The following SIRPG variants were observed in gnomAD, a reference collection of about 807,000 sequenced individuals.
SIRPG encodes signal regulatory protein gamma.
A neutral mutation model predicts 35.7 loss-of-function variants in SIRPG; 38 were observed. The observed-to-expected ratio is 1.06, with a 90% CI of 0.82 to 1.40. SIRPG has a LOEUF of 1.40. Ranked by LOEUF, SIRPG falls within the 40% of genes most tolerant of loss-of-function variation. SIRPG has a pLI of 0.00. For synonymous variants in SIRPG, 215 were observed against 190.4 expected, an observed-to-expected ratio of 1.13 and a Z score of -1.06; for missense variants, 519 against 483.0, an observed-to-expected ratio of 1.07 and a Z score of -0.70.
At chr20:1,686,375 A>C in the SIRPG span, among the ~76,000 whole-genome samples, 5 of 152,258 alleles carry the variant, frequency 3.3e-5, no homozygotes, top group Non-Finnish European at 7.4e-5. Flanking sequence ...AAGGACCAGG[A>C]GGGTGGGGCC....
chr20:1,676,794 C>A, the SIRPG span: 1 of 218,258 alleles, frequency 4.6e-6, no homozygotes, highest in Non-Finnish European at 9.5e-6. Flanking sequence ...CCACAGGGAA[C>A]AGGGAGGTCG....
chr20:1,657,693 G>T lies in SIRPG; in HGVS notation c.22C>A (p.Pro8Thr), dbSNP rs199556654. 16 of 1,614,202 alleles carry T rather than the reference G, an allele frequency of 9.9e-6. No homozygotes were observed. The highest frequency in any genetic ancestry group is 4.5e-5 in the East Asian group (2 of 44,886). Residue 8 changes from proline (P) to threonine (T), a missense_variant, in exon 1 of 6, where the codon CCC becomes ACC. Transcript: ENST00000303415. MPVPASW[P>T]HPPGPFLLLT... ...AGCAGGAAAGGACCAGGAGGATGGG[G>T]CCAGGAGGCTGGGACAGGCATTTTG...
At chr20:1,678,003 A>T in the SIRPG span, among the ~76,000 whole-genome samples, 2 of 152,180 alleles carry the variant, frequency 1.3e-5, no homozygotes, top group Admixed American at 6.5e-5. Context: ...TAATCATTAC[A>T]CTATGTATAT....
chr20:1,674,826 C>T, the SIRPG span, among the ~76,000 whole-genome samples: 1 of 152,174 alleles, frequency 6.6e-6, no homozygotes, highest in Non-Finnish European at 1.5e-5. Flanking sequence ...ACCTCAAATC[C>T]TATCCCCTCT....
chr20:1,647,644 A>G (rs2091907517), intron 2 of SIRPG: 1 of 152,256 alleles, frequency 6.6e-6, no homozygotes, highest in Admixed American at 6.5e-5. Context: ...AACAACTTAC[A>G]TACCCATCAA....
the SIRPG span, among the ~76,000 whole-genome samples, chr20:1,664,856 A>G: frequency 0.48 from 72,328 of 151,870 alleles, 18,216 homozygotes; most frequent in East Asian, 0.82. Flanking sequence ...CCACGCAGGC[A>G]CTCAGAGGAT....
chr20:1,652,853 C>T (rs543575853), intron 1 of SIRPG, among the ~76,000 whole-genome samples: 53 of 152,234 alleles, frequency 3.5e-4, no homozygotes, highest in Admixed American at 1.0e-3. Context: ...TACTTTTTCT[C>T]TTTTATTCTA....
At chr20:1,653,835 G>T (rs1461361825) in intron 1 of SIRPG, among the ~76,000 whole-genome samples, 2 of 152,194 alleles carry the variant, frequency 1.3e-5, no homozygotes, top group African/African-American at 2.4e-5. Context: ...TTAAAATTCT[G>T]TGTGTGTTTC....
the SIRPG span, among the ~76,000 whole-genome samples, chr20:1,680,385 A>T: frequency 1.3e-5 from 2 of 152,202 alleles, no homozygotes; most frequent in Non-Finnish European, 2.9e-5. Flanking sequence ...TTCCTGTTGC[A>T]ATCATTAACC....
chr20:1,643,740 C>A (rs1196909955), intron 2 of SIRPG, among the ~76,000 whole-genome samples: 2 of 152,162 alleles, frequency 1.3e-5, no homozygotes, highest in East Asian at 1.9e-4. Flanking sequence ...GCTGCTGACC[C>A]TTGGATGGGG....
Position 1,649,390 on chromosome 20 carries a change from TCCTCCTCA to T in SIRPG, c.84_91del (p.Glu29AlafsTer7). 4.4e-6 allele frequency: 7 copies of T among 1,606,682 alleles called. No homozygotes were observed. The highest frequency in any genetic ancestry group is 6.0e-6 in the Non-Finnish European group (7 of 1,174,904). ...CTTCTCAGGCTGAATCATCTGTAGC[TCCTCCTCA>T]CCTGCCACTTCTGAAAAGGAGCACA... On this transcript the variant is annotated frameshift_variant, in exon 2 of 6. Transcript: ENST00000303415. LOFTEE classifies it high-confidence loss of function.
chr20:1,649,697 C>A (rs1449856958), intron 1 of SIRPG, among the ~76,000 whole-genome samples: 2 of 127,778 alleles, frequency 1.6e-5, no homozygotes, highest in Non-Finnish European at 3.1e-5. Context: ...AGTGCTGAGG[C>A]ATAATCATGG....
chr20:1,636,839 C>G (rs770410323), intron 2 of SIRPG, among the ~76,000 whole-genome samples: 5 of 151,670 alleles, frequency 3.3e-5, no homozygotes, highest in Non-Finnish European at 5.9e-5. Flanking sequence ...CTGGTGCTAG[C>G]CTGTTTCCCC....
At chr20:1,674,060 A>T in the SIRPG span, among the ~76,000 whole-genome samples, 1 of 152,178 alleles carries the variant, frequency 6.6e-6, no homozygotes, top group Non-Finnish European at 1.5e-5. Context: ...CATCCAGAAA[A>T]GCTGCTGTCA....
chr20:1,670,614 A>ACTATCTAGCATAGAGCTTGCTAG, the SIRPG span, among the ~76,000 whole-genome samples: 1 of 152,058 alleles, frequency 6.6e-6, no homozygotes, highest in South Asian at 2.1e-4. Context: ...AATAAATGAA[A>ACTATCTAGCATAGAGCTTGCTAG]CTATCTAGCA....
chr20:1,657,374 T>C (rs2091981660), intron 1 of SIRPG, among the ~76,000 whole-genome samples: 1 of 152,206 alleles, frequency 6.6e-6, no homozygotes, highest in East Asian at 1.9e-4. Context: ...GATTTAATAA[T>C]GATTCTTCTG....
the SIRPG span, among the ~76,000 whole-genome samples, chr20:1,675,914 GCTC>G: frequency 1.3e-5 from 2 of 152,102 alleles, no homozygotes; most frequent in Non-Finnish European, 2.9e-5. Context: ...GCAACAAGTG[GCTC>G]CTCCTTCCTA....
At chr20:1,658,647 A>G (rs902990026), upstream of SIRPG, among the ~76,000 whole-genome samples, 1 of 152,160 alleles carries the variant, frequency 6.6e-6, no homozygotes, top group Non-Finnish European at 1.5e-5. Flanking sequence ...TAAACTGGGA[A>G]TAGTAAGTCT....
At chr20:1,631,216 A>G (rs2091747440) in intron 4 of SIRPG, among the ~76,000 whole-genome samples, 1 of 152,186 alleles carries the variant, frequency 6.6e-6, no homozygotes, top group Non-Finnish European at 1.5e-5. Flanking sequence ...TAAGGAAGAA[A>G]TGGAGAACTC....
Sources: gnomAD v4.1 joint callset for allele counts (sites outside exome capture counted in the v4.1 genomes callset) on GRCh38, gnomAD v4.1.1 for gene constraint, MANE v1.5 for transcripts, NCBI Gene and HGNC (gene_info 2026-07-23, HGNC 2026-07-21) for gene names.